Variants in NOL4 observed in about 807,000 individuals in gnomAD.
The protein encoded by NOL4 is nucleolar protein 4, also known as cancer/testis antigen 125.
NOL4 carries 17 observed loss-of-function variants against 75.9 expected under a neutral mutation model. The observed-to-expected ratio is 0.22, with a 90% CI of 0.15 to 0.34. The LOEUF (loss-of-function observed/expected upper bound fraction) is 0.34. NOL4 is among the 10% of genes least tolerant of loss of function. The pLI, the probability that NOL4 is intolerant of heterozygous loss-of-function variation, is 1.00. For synonymous variants in NOL4, 292 were observed against 289.9 expected, an observed-to-expected ratio of 1.01 and a Z score of -0.07; for missense variants, 614 against 793.5, an observed-to-expected ratio of 0.77 and a Z score of 2.72.
rs189016313 is a variant in NOL4, at chr18:34,217,011, T to C, written c.264+5979A>G. 7.2e-5 allele frequency among the ~76,000 whole-genome samples: 11 copies of C among 152,254 alleles called. 1 individual carries two copies. The East Asian group carries it at 2.1e-3, about 29-fold the overall frequency. ...CCTGTCCATATGCAACTATCAGTCA[T>C]TTTATCGACTCTTCTTTTGGCATAT... is the stretch of plus-strand genomic sequence containing the variant. On this transcript the variant is annotated intron_variant, in intron 1 of 10. Transcript: ENST00000261592.
intron 5 of NOL4, among the ~76,000 whole-genome samples, chr18:34,041,865 A>G (rs1157986943): frequency 6.6e-6 from 1 of 151,886 alleles, no homozygotes; most frequent in Admixed American, 6.6e-5. Context: ...CTTAATATTT[A>G]TTATACAGGG....
intron 6 of NOL4, among the ~76,000 whole-genome samples, chr18:33,959,852 T>C (rs1017978587): frequency 6.6e-6 from 1 of 152,054 alleles, no homozygotes; most frequent in African/African-American, 2.4e-5. Context: ...TGAGATTATA[T>C]AACTACTGTG....
At chr18:34,143,628 A>T (rs2081276402) in intron 1 of NOL4, among the ~76,000 whole-genome samples, 1 of 152,038 alleles carries the variant, frequency 6.6e-6, no homozygotes, top group African/African-American at 2.4e-5. Context: ...GCACTTTGGG[A>T]GGCCGAGGCG....
intron 1 of NOL4, among the ~76,000 whole-genome samples, chr18:34,217,131 C>G (rs1195695771): frequency 6.6e-6 from 1 of 151,776 alleles, no homozygotes; most frequent in African/African-American, 2.4e-5. Context: ...TTATTTCTTT[C>G]CTTTTCATTT....
At chr18:33,955,345 T>C (rs750455103) in intron 8 of NOL4, among the ~76,000 whole-genome samples, 3 of 152,128 alleles carry the variant, frequency 2.0e-5, no homozygotes, top group Non-Finnish European at 4.4e-5. Context: ...CTGATCCCTC[T>C]ACTGTGAGCT....
intron 5 of NOL4, among the ~76,000 whole-genome samples, chr18:34,089,065 C>T (rs1373144968): frequency 6.6e-6 from 1 of 151,836 alleles, no homozygotes; most frequent in Admixed American, 6.6e-5. Flanking sequence ...GTCTTCTTTT[C>T]CCTTGGTTTT....
At chr18:34,061,113 A>G (rs2077048056) in intron 5 of NOL4, among the ~76,000 whole-genome samples, 2 of 152,194 alleles carry the variant, frequency 1.3e-5, no homozygotes, top group Admixed American at 1.3e-4. Context: ...TATAAAACAA[A>G]AACAGCCTTA....
chr18:34,085,677 G>T (rs2078209915), intron 5 of NOL4, among the ~76,000 whole-genome samples: 1 of 152,010 alleles, frequency 6.6e-6, no homozygotes, highest in South Asian at 2.1e-4. Flanking sequence ...CACTAAAAAA[G>T]GTAGAGCAAA....
intron 6 of NOL4, among the ~76,000 whole-genome samples, chr18:33,982,898 G>A (rs552156981): frequency 1.3e-5 from 2 of 151,762 alleles, no homozygotes; most frequent in Admixed American, 6.6e-5. Context: ...TTGCAGGCAT[G>A]TACCACCACA....
rs2037338016 is a variant in NOL4 at position 34,221,921 on chromosome 18, G to T, written c.264+1069C>A. 1.1e-5 allele frequency: 11 copies of T among 967,076 alleles called. No individual in the cohort carries two copies. In the Middle Eastern group the frequency reaches 6.3e-4, roughly 55 times the overall value. 59.9% of individuals were successfully genotyped at this position (967,076 alleles called of 1,614,324 possible). On this transcript the variant is annotated intron_variant, in intron 1 of 10. Transcript: ENST00000261592. ...CCGGGAAACAGTTGCCAGTACAGGA[G>T]GGGGGAAAGGAAGAAATGCTCAAGA...
At chr18:34,160,485 T>C (rs185307627) in intron 1 of NOL4, among the ~76,000 whole-genome samples, 2 of 152,308 alleles carry the variant, frequency 1.3e-5, no homozygotes, top group East Asian at 1.9e-4. Flanking sequence ...TGTGAATCTA[T>C]GTATCATTGA....
intron 5 of NOL4, among the ~76,000 whole-genome samples, chr18:34,065,520 T>C (rs1265507607): frequency 1.3e-5 from 2 of 152,020 alleles, no homozygotes; most frequent in Non-Finnish European, 2.9e-5. Context: ...AAAGCAATGC[T>C]TCATTTTTTA....
intron 1 of NOL4, among the ~76,000 whole-genome samples, chr18:34,188,149 A>T (rs2034635492): frequency 6.6e-6 from 1 of 152,224 alleles, no homozygotes; most frequent in Non-Finnish European, 1.5e-5. Flanking sequence ...GAGTATCAAA[A>T]GTCATTCATC....
chr18:33,905,639 T>G (rs2065990591), intron 9 of NOL4, among the ~76,000 whole-genome samples: 1 of 152,294 alleles, frequency 6.6e-6, no homozygotes, highest in South Asian at 2.1e-4. Flanking sequence ...TCCTACACCT[T>G]GTTCAGTACA....
At chr18:34,057,802 T>C (rs1474869155) in intron 5 of NOL4, among the ~76,000 whole-genome samples, 2 of 152,208 alleles carry the variant, frequency 1.3e-5, no homozygotes, top group Non-Finnish European at 1.5e-5. Flanking sequence ...TATAAAATAC[T>C]GCTCATAAAA....
At chr18:33,920,237 C>T (rs780146442) in intron 9 of NOL4, among the ~76,000 whole-genome samples, 1 of 151,896 alleles carries the variant, frequency 6.6e-6, no homozygotes, top group Non-Finnish European at 1.5e-5. Context: ...ATTACAGTCT[C>T]CTGATGTTAA....
intron 2 of NOL4, among the ~76,000 whole-genome samples, chr18:34,110,032 C>A (rs1459978845): frequency 2.1e-5 from 3 of 145,978 alleles, no homozygotes; most frequent in African/African-American, 7.6e-5. Flanking sequence ...TAAAGAAAGT[C>A]CCAGGACCTG....
chr18:33,949,493 C>G (rs1418786258), intron 8 of NOL4, among the ~76,000 whole-genome samples: 2 of 152,032 alleles, frequency 1.3e-5, no homozygotes, highest in African/African-American at 4.8e-5. Flanking sequence ...CCTGGAACTG[C>G]TGGTGGCAAC....
intron 6 of NOL4, among the ~76,000 whole-genome samples, chr18:33,976,260 T>C (rs2071479486): frequency 6.6e-6 from 1 of 152,184 alleles, no homozygotes; most frequent in Non-Finnish European, 1.5e-5. Context: ...GAAGGTTTTC[T>C]GTCAGAGAAA....
Sources: allele counts gnomAD v4.1 joint callset (sites outside exome capture counted in the v4.1 genomes callset), GRCh38; gene constraint gnomAD v4.1.1; transcripts MANE v1.5; gene names NCBI Gene and HGNC (gene_info 2026-07-23, HGNC 2026-07-21).